The following NEK11 variants were observed in gnomAD, a reference collection of about 807,000 sequenced individuals.
NEK11 encodes NIMA related kinase 11.
Under a neutral mutation model 80.7 loss-of-function variants are expected in NEK11, and 72 were observed. The observed-to-expected ratio is 0.89, with a 90% CI of 0.74 to 1.08. NEK11 has a LOEUF of 1.08. NEK11 is among the 50% of genes least tolerant of loss of function. The pLI is 0.00. For synonymous variants in NEK11, 251 were observed against 260.7 expected (o/e 0.96, Z 0.36); for missense variants, 764 against 763.6 (o/e 1.00, Z -0.01).
chr3:131,152,545 A>G lies in NEK11; in HGVS notation c.797+8A>G. 1 of 1,611,480 alleles carries G rather than the reference A, an allele frequency of 6.2e-7. No individual in the cohort carries two copies. The highest frequency in any genetic ancestry group is 8.5e-7 in the Non-Finnish European group (1 of 1,178,796). ...AAATGCCATCATGGAAAGGTATAGA[A>G]ATAAACATGTTGTCACAGAAATAAT... On this transcript the variant is annotated splice_region_variant and intron_variant, in intron 8 of 17. Coordinates refer to ENST00000383366, the MANE Select transcript of NEK11 (RefSeq NM_024800.5).
intron 17 of NEK11, among the ~76,000 whole-genome samples, chr3:131,298,152 T>C (rs1465561265): frequency 2.0e-5 from 3 of 151,540 alleles, no homozygotes; most frequent in Non-Finnish European, 4.4e-5. Context: ...TGCGGGCTCT[T>C]TTTTGGTTCC....
At chr3:131,347,428 T>TAGAG (rs1364960880) in intron 17 of NEK11, among the ~76,000 whole-genome samples, 39 of 152,338 alleles carry the variant, frequency 2.6e-4, no homozygotes, top group Admixed American at 9.8e-4. Flanking sequence ...ATGACCAGCC[T>TAGAG]TTAAACCAGA....
intron 17 of NEK11, among the ~76,000 whole-genome samples, chr3:131,327,947 T>TG (rs2096999253): frequency 1.3e-5 from 2 of 151,572 alleles, no homozygotes; most frequent in African/African-American, 2.4e-5. Context: ...CAGAGGCTTG[T>TG]GGCTACATCT....
intron 16 of NEK11, among the ~76,000 whole-genome samples, chr3:131,245,633 C>T (rs1345557383): frequency 6.6e-6 from 1 of 151,948 alleles, no homozygotes; most frequent in Non-Finnish European, 1.5e-5. Flanking sequence ...TAGTAATAGC[C>T]ATTCTGACTG....
chr3:131,115,964 T>TTCTTTCTTTCTTTCTTTCTTTCTTTC (rs2081111973), intron 5 of NEK11, among the ~76,000 whole-genome samples: 5 of 145,246 alleles, frequency 3.4e-5, no homozygotes, highest in African/African-American at 1.0e-4. Flanking sequence ...CTTTCTTTCT[T>TTCTTTCTTTCTTTCTTTCTTTCTTTC]TCTTTCTTTC....
At chr3:131,043,912 CCT>C (rs1480168937) in intron 3 of NEK11, among the ~76,000 whole-genome samples, 1 of 152,194 alleles carries the variant, frequency 6.6e-6, no homozygotes, top group Non-Finnish European at 1.5e-5. Flanking sequence ...TAACAACAGA[CCT>C]CTCTGCAGAA....
At chr3:131,329,093 G>A (rs1293601883) in intron 17 of NEK11, 1 of 152,164 alleles carries the variant, frequency 6.6e-6, no homozygotes, top group Admixed American at 6.5e-5. Flanking sequence ...TAAGGCTTGT[G>A]TCTAGTCACC....
intron 14 of NEK11, among the ~76,000 whole-genome samples, chr3:131,189,213 G>T (rs1032954411): frequency 9.2e-5 from 14 of 152,116 alleles, no homozygotes; most frequent in Non-Finnish European, 1.5e-4. Flanking sequence ...CTGACCTCCA[G>T]AATTGTGAGA....
chr3:131,107,372 A>T (rs1173905939), intron 4 of NEK11, among the ~76,000 whole-genome samples: 4 of 53,560 alleles, frequency 7.5e-5, no homozygotes, highest in East Asian at 7.3e-4. Context: ...ATAATAAAAT[A>T]AAAAAAAAAG....
At chr3:131,213,914 G>T (rs2094722311) in intron 14 of NEK11, among the ~76,000 whole-genome samples, 1 of 152,208 alleles carries the variant, frequency 6.6e-6, no homozygotes, top group Non-Finnish European at 1.5e-5. Context: ...TTGGTCATGA[G>T]GGTAGAGCCC....
chr3:131,260,748 CAA>C (rs1267430336), intron 16 of NEK11, among the ~76,000 whole-genome samples: 1 of 152,048 alleles, frequency 6.6e-6, no homozygotes, highest in African/African-American at 2.4e-5. Context: ...AATAATTTGG[CAA>C]AGAGTGGTAT....
chr3:131,226,655 T>G (rs1301133837), intron 14 of NEK11, among the ~76,000 whole-genome samples: 2 of 152,030 alleles, frequency 1.3e-5, no homozygotes, highest in East Asian at 3.9e-4. Context: ...CAGAGTGGGA[T>G]AATGGACTTT....
chr3:131,154,456 T>G (rs1050449610), intron 9 of NEK11, among the ~76,000 whole-genome samples: 1 of 152,196 alleles, frequency 6.6e-6, no homozygotes, highest in African/African-American at 2.4e-5. Flanking sequence ...TATTAACACT[T>G]TAAAGACAGA....
At chr3:131,121,413 C>T (rs911594779) in intron 5 of NEK11, among the ~76,000 whole-genome samples, 1 of 152,222 alleles carries the variant, frequency 6.6e-6, no homozygotes, top group African/African-American at 2.4e-5. Flanking sequence ...ATGTGCCTCC[C>T]AGTTAGGCTA....
intron 17 of NEK11, chr3:131,329,156 A>T (rs1048538153): frequency 6.6e-6 from 1 of 152,228 alleles, no homozygotes; most frequent in Non-Finnish European, 1.5e-5. Context: ...GGCCCCATAA[A>T]GCCAATGCAT....
At chr3:131,156,570 C>G (rs1447704864) in intron 10 of NEK11, among the ~76,000 whole-genome samples, 1 of 152,102 alleles carries the variant, frequency 6.6e-6, no homozygotes, top group African/African-American at 2.4e-5. Context: ...TTGATTGTGT[C>G]TTCTATTCCA....
chr3:131,256,288 TG>T (rs113964800), intron 16 of NEK11, among the ~76,000 whole-genome samples: 1 of 152,294 alleles, frequency 6.6e-6, no homozygotes, highest in African/African-American at 2.4e-5. Context: ...TTTTATACAA[TG>T]TATACATTTA....
chr3:131,201,143 C>T (rs1005816048), intron 14 of NEK11, among the ~76,000 whole-genome samples: 3 of 150,136 alleles, frequency 2.0e-5, no homozygotes, highest in Non-Finnish European at 3.0e-5. Context: ...TTTTACATAA[C>T]CATTAAACCA....
At chr3:131,115,407 T>G (rs1560471028) in intron 5 of NEK11, among the ~76,000 whole-genome samples, 3 of 152,090 alleles carry the variant, frequency 2.0e-5, no homozygotes, top group Admixed American at 6.6e-5. Context: ...GAACCCAGAC[T>G]AATACAGTGC....
Sources: allele counts gnomAD v4.1 joint callset (sites outside exome capture counted in the v4.1 genomes callset), GRCh38; gene constraint gnomAD v4.1.1; transcripts MANE v1.5; gene names NCBI Gene and HGNC (gene_info 2026-07-23, HGNC 2026-07-21).